CDH3: variants seen among roughly 807,000 people sequenced by gnomAD.
The protein encoded by CDH3 is cadherin 3, also known as cadherin-3.
CDH3 carries 54 observed loss-of-function variants against 82.0 expected under a neutral mutation model. The ratio of observed to expected loss-of-function variants is 0.66; its 90% CI spans 0.53 to 0.83. CDH3 has a LOEUF of 0.83. CDH3 is among the 40% of genes least tolerant of loss of function. The pLI is 0.00. For missense variants in CDH3, 1,054 were observed against 1,084.6 expected (o/e 0.97, Z 0.40); for synonymous variants, 446 against 437.9 (o/e 1.02, Z -0.23).
At chr16:68,708,507 G>C (rs1416953009) in intron 1 of CDH3, among the ~76,000 whole-genome samples, 2 of 152,200 alleles carry the variant, frequency 1.3e-5, no homozygotes, top group East Asian at 3.9e-4. Flanking sequence ...CGTCCTTCAG[G>C]CATCACCCAC....
Position 68,697,324 on chromosome 16 carries a change from TA to T in CDH3, c.2281-854del, listed in dbSNP as rs36004703. The stretch of plus-strand genomic sequence containing the variant: ...GGGCAACAAAGGGAGATTCCATCTT[TA>T]AAAAAAAAAAAATTAGGAATGATTT... On this transcript the variant is annotated intron_variant, in intron 15 of 15. Transcript: ENST00000264012. Among the ~76,000 whole-genome samples, 236 of 146,480 alleles carry T rather than the reference TA, an allele frequency of 1.6e-3. 1 individual carries two copies. Among genetic ancestry groups the T allele is most frequent in the Non-Finnish European group, 1.1e-3 (74 of 66,380 alleles).
chr16:68,708,104 G>A lies in CDH3; in HGVS notation c.99+12181G>A, dbSNP rs552530358. ...GCAGTTTGGGAGGCCGAGGCGGGCC[G>A]GTCACTTGAGGCCAGGAGTTCAAAA... On this transcript the variant is annotated intron_variant, in intron 1 of 2. Transcript: ENST00000569080. Among the ~76,000 whole-genome samples the A allele has an allele frequency of 6.6e-5, 10 of 152,208 alleles. No individual in the cohort carries two copies. In the South Asian group the frequency reaches 8.3e-4, roughly 13 times the overall value.
chr16:68,653,028 G>A (rs933699389), intron 2 of CDH3, among the ~76,000 whole-genome samples: 1 of 152,018 alleles, frequency 6.6e-6, no homozygotes. Context: ...ACAATTGCTG[G>A]GTTAACTGAT....
chr16:68,680,099 C>T lies in CDH3; in HGVS notation c.867+125C>T, dbSNP rs943740682. On this transcript the variant is annotated intron_variant, in intron 7 of 15. Coordinates refer to ENST00000264012, the MANE Select transcript of CDH3 (RefSeq NM_001793.6). ...GCAGAACAGTGAGGACCCACGTCAG[C>T]TGGGATGGCCACTGCTGGGTTCACA... is the stretch of plus-strand genomic sequence containing the variant. The T allele has an allele frequency of 3.3e-6, 3 of 897,304 alleles. No individual in the cohort carries two copies. In the East Asian group the frequency reaches 7.5e-5, roughly 22 times the overall value. The allele number at this position is 897,304 out of a possible 1,614,324, so 55.6% of individuals were successfully genotyped here.
chr16:68,682,415 C>T lies in CDH3; in HGVS notation c.1110C>T (p.Gly370=), dbSNP rs566716627. The T allele has an allele frequency of 1.7e-5, 27 of 1,614,088 alleles. No individual in the cohort carries two copies. The highest frequency in any genetic ancestry group is 3.3e-5 in the South Asian group (3 of 91,082). The part of the protein sequence containing the change: ...PAWRATYLIM[G]GDDGDHFTIT... Reference sequence around the variant, plus strand: ...GGCGTGCCACCTACCTTATCATGGGCGGTGACGACGGGGACCATTTTACCA... The same window carrying T: ...GGCGTGCCACCTACCTTATCATGGGTGGTGACGACGGGGACCATTTTACCA... The change falls in exon 9 of 16, where the codon GGC becomes GGT. Residue 370 remains glycine (G), a synonymous_variant. Coordinates refer to ENST00000264012, the MANE Select transcript of CDH3 (RefSeq NM_001793.6).
chr16:68,694,313 A>C (rs1293235079), intron 13 of CDH3, among the ~76,000 whole-genome samples: 1 of 25,492 alleles, frequency 3.9e-5, no homozygotes, highest in African/African-American at 1.2e-4. Context: ...ACTCCCTCTC[A>C]AAAAAAAAAA....
intron 2 of CDH3, among the ~76,000 whole-genome samples, chr16:68,660,831 C>T (rs539061469): frequency 2.0e-5 from 3 of 152,118 alleles, no homozygotes; most frequent in African/African-American, 7.2e-5. Flanking sequence ...TAGTGGCAGG[C>T]GCCTGTAGTC....
chr16:68,713,339 C>G (rs28452317), intron 1 of CDH3, among the ~76,000 whole-genome samples: 6,537 of 152,198 alleles, frequency 0.043, 462 homozygotes, highest in African/African-American at 0.15. Context: ...TCGGGTTGCT[C>G]TTCTTCCTGC....
At chr16:68,676,587 G>T (rs1437227948) in intron 3 of CDH3, 117 bp downstream of exon 3, 4 of 785,880 alleles carry the variant, frequency 5.1e-6, no homozygotes, top group East Asian at 2.6e-5. Context: ...GCCCTTCAGA[G>T]GAGGTAGTGT....
At chr16:68,649,893 G>C (rs1334657924) in intron 2 of CDH3, among the ~76,000 whole-genome samples, 1 of 152,162 alleles carries the variant, frequency 6.6e-6, no homozygotes, top group Non-Finnish European at 1.5e-5. Flanking sequence ...AATTAGCTGG[G>C]TGTGATGGTG....
chr16:68,716,784 C>T (rs1022430223), intron 1 of CDH3, among the ~76,000 whole-genome samples: 9 of 151,876 alleles, frequency 5.9e-5, no homozygotes, highest in Admixed American at 5.3e-4. Flanking sequence ...AGTGCCTTGG[C>T]GTGACCATAG....
At chr16:68,701,946 C>T (rs1257475772), downstream of CDH3, among the ~76,000 whole-genome samples, 1 of 151,874 alleles carries the variant, frequency 6.6e-6, no homozygotes, top group Non-Finnish European at 1.5e-5. Flanking sequence ...GTCACTTGAA[C>T]CCGGGAGGCG....
chr16:68,663,453 C>G (rs1018718737), intron 2 of CDH3, among the ~76,000 whole-genome samples: 1 of 147,340 alleles, frequency 6.8e-6, no homozygotes, highest in Non-Finnish European at 1.5e-5. Flanking sequence ...CCAGGATGGT[C>G]TCGATCTCCT....
chr16:68,685,465 C>T, intron 11 of CDH3, 115 bp downstream of exon 11: 2 of 1,102,686 alleles, frequency 1.8e-6, no homozygotes, highest in Non-Finnish European at 2.7e-6. Context: ...GGGCTATTTG[C>T]AAACCAATCC....
At chr16:68,654,759 G>A (rs1402953056) in intron 2 of CDH3, among the ~76,000 whole-genome samples, 11 of 146,952 alleles carry the variant, frequency 7.5e-5, no homozygotes, top group South Asian at 4.3e-4. Context: ...AGAGGCGGCC[G>A]GCATGATGGC....
intron 2 of CDH3, among the ~76,000 whole-genome samples, chr16:68,648,791 A>G (rs1345971434): frequency 6.6e-6 from 1 of 151,764 alleles, no homozygotes; most frequent in African/African-American, 2.4e-5. Context: ...CTGAGTGGAG[A>G]GGGTAGAATG....
Position 68,688,486 on chromosome 16 carries a change from G to C in CDH3, c.1795+750G>C, listed in dbSNP as rs540956661. On this transcript the variant is annotated intron_variant, in intron 12 of 15. Coordinates refer to ENST00000264012, the MANE Select transcript of CDH3 (RefSeq NM_001793.6). ...GCCCGTAGTCCCAGTTACTCAGGAG[G>C]CTGAGACAGAAGAATCGCTTGAAGC... Among the ~76,000 whole-genome samples, 487 of 152,272 alleles carry C rather than the reference G, an allele frequency of 3.2e-3. 5 individuals carry two copies. The highest frequency in any genetic ancestry group is 3.7e-3 in the Non-Finnish European group (250 of 68,026).
rs916510834 is a variant in CDH3, at chr16:68,669,620, G to C, written c.161-6765G>C. Among the ~76,000 whole-genome samples the C allele has an allele frequency of 5.3e-5, 8 of 152,070 alleles. No homozygotes were observed. In the South Asian group the frequency reaches 6.2e-4, roughly 12 times the overall value. Reference sequence around the variant, plus strand: ...TTCTAGCTCCTGGTGGGGTGGCGGGGGGGGTGGGCGGTAGCAGCTCTCAGA... The same window carrying C: ...TTCTAGCTCCTGGTGGGGTGGCGGGCGGGGTGGGCGGTAGCAGCTCTCAGA... On this transcript the variant is annotated intron_variant, in intron 2 of 15. Transcript: ENST00000264012.
At chr16:68,730,160 G>A (rs1395130791), downstream of CDH3, among the ~76,000 whole-genome samples, 1 of 151,766 alleles carries the variant, frequency 6.6e-6, no homozygotes, top group East Asian at 1.9e-4. Context: ...TTGCACCTGG[G>A]AGGCGGAGGT....
Sources: allele counts gnomAD v4.1 joint callset (sites outside exome capture counted in the v4.1 genomes callset), GRCh38; gene constraint gnomAD v4.1.1; transcripts MANE v1.5; gene names NCBI Gene and HGNC (gene_info 2026-07-23, HGNC 2026-07-21).